The following MARCHF8 variants were observed in gnomAD, a reference collection of about 807,000 sequenced individuals.
MARCHF8 encodes E3 ubiquitin-protein ligase MARCHF8.
A neutral mutation model predicts 51.6 loss-of-function variants in MARCHF8; 40 were observed. The observed-to-expected ratio is 0.77, with a 90% confidence interval of 0.60 to 1.01. The LOEUF (loss-of-function observed/expected upper bound fraction) is 1.01, where lower values mean the gene tolerates loss of function less well. Ranked by LOEUF, MARCHF8 falls within the 50% of genes least tolerant of loss-of-function variation. MARCHF8 has a pLI of 0.00. For synonymous variants in MARCHF8, 263 were observed against 280.3 expected, an observed-to-expected ratio of 0.94 and a Z score of 0.62; for missense variants, 685 against 708.6, an observed-to-expected ratio of 0.97 and a Z score of 0.38.
intron 2 of MARCHF8, among the ~76,000 whole-genome samples, chr10:45,494,330 C>T (rs1456506944): frequency 3.9e-5 from 6 of 152,092 alleles, no homozygotes; most frequent in South Asian, 4.1e-4. Flanking sequence ...AAGAAGACAA[C>T]GAGGTGAGAT....
At chr10:45,588,520 T>G (rs1193704038) in intron 1 of MARCHF8, among the ~76,000 whole-genome samples, 1 of 152,236 alleles carries the variant, frequency 6.6e-6, no homozygotes, top group Non-Finnish European at 1.5e-5. Context: ...TATATTGTCT[T>G]AAAATTGCCT....
intron 2 of MARCHF8, among the ~76,000 whole-genome samples, chr10:45,506,940 G>C (rs2043397039): frequency 6.6e-6 from 1 of 152,170 alleles, no homozygotes; most frequent in Non-Finnish European, 1.5e-5. Flanking sequence ...GCTACAAAGA[G>C]GCTATGTCTT....
intron 1 of MARCHF8, among the ~76,000 whole-genome samples, chr10:45,546,750 C>G (rs1421739176): frequency 6.6e-6 from 1 of 151,202 alleles, no homozygotes; most frequent in Non-Finnish European, 1.5e-5. Context: ...CCACTACACT[C>G]CAGCCTGGGT....
At chr10:45,488,667 T>A (rs2043028542) in intron 3 of MARCHF8, among the ~76,000 whole-genome samples, 1 of 152,186 alleles carries the variant, frequency 6.6e-6, no homozygotes, top group African/African-American at 2.4e-5. Flanking sequence ...CTGCAACATC[T>A]AGAACCTTTT....
At chr10:45,567,121 T>C (rs2044373602) in intron 1 of MARCHF8, among the ~76,000 whole-genome samples, 1 of 152,236 alleles carries the variant, frequency 6.6e-6, no homozygotes, top group South Asian at 2.1e-4. Context: ...TTAATTGGAT[T>C]ATTACATTAT....
chr10:45,493,521 C>T (rs769211824), intron 2 of MARCHF8, among the ~76,000 whole-genome samples: 2 of 152,206 alleles, frequency 1.3e-5, no homozygotes, highest in Non-Finnish European at 2.9e-5. Context: ...GAGAGCTCCT[C>T]AGAACACAGC....
intron 5 of MARCHF8, chr10:45,461,721 T>C (rs1415566282): frequency 9.5e-6 from 2 of 210,782 alleles, no homozygotes; most frequent in African/African-American, 2.3e-5. Flanking sequence ...TAAAGCAACA[T>C]GGAATCATTT....
chr10:45,499,558 T>C (rs149604913), intron 2 of MARCHF8, among the ~76,000 whole-genome samples: 2,059 of 152,344 alleles, frequency 0.014, 16 homozygotes, highest in Non-Finnish European at 0.019. Context: ...TTAAGAATTT[T>C]ATAGTTTTAA....
At chr10:45,518,049 C>T (rs1018838582) in intron 2 of MARCHF8, among the ~76,000 whole-genome samples, 1 of 152,200 alleles carries the variant, frequency 6.6e-6, no homozygotes, top group African/African-American at 2.4e-5. Context: ...GTACTTCTCT[C>T]AGAGACTAGG....
chr10:45,486,496 G>A (rs979413902), intron 3 of MARCHF8, among the ~76,000 whole-genome samples: 18 of 152,194 alleles, frequency 1.2e-4, no homozygotes, highest in East Asian at 7.7e-4. Flanking sequence ...TCCAGGAGGC[G>A]GAGGTTGCAG....
intron 3 of MARCHF8, among the ~76,000 whole-genome samples, chr10:45,480,704 C>A (rs2042870429): frequency 6.6e-6 from 1 of 152,146 alleles, no homozygotes; most frequent in Non-Finnish European, 1.5e-5. Context: ...GAACCTCTGC[C>A]TAGATTTCAG....
chr10:45,530,149 G>GT (rs1162264593), intron 2 of MARCHF8, among the ~76,000 whole-genome samples: 20 of 152,140 alleles, frequency 1.3e-4, no homozygotes, highest in African/African-American at 4.6e-4. Flanking sequence ...AGAACTGGAG[G>GT]TAACTATCTT....
intron 1 of MARCHF8, among the ~76,000 whole-genome samples, chr10:45,547,125 G>A (rs1982796): frequency 0.31 from 47,445 of 151,926 alleles, 7,606 homozygotes; most frequent in Admixed American, 0.36. Flanking sequence ...TAAAACAATA[G>A]TAAATAAGCA....
At position 45,454,905 on chromosome 10, in the gene MARCHF8, A is replaced by G. The variant is rs1238015488; in HGVS notation, c.*3334T>C. On this transcript the variant is annotated 3_prime_UTR_variant, in exon 8 of 8. Coordinates refer to ENST00000453424, the MANE Select transcript of MARCHF8 (RefSeq NM_001282866.2). ...TTCCAAGACAAAGATAAATGCTTTTATTTCCCTATGTTTTGGTCTTTCCTT... is the reference window on the plus strand; with the variant it reads ...TTCCAAGACAAAGATAAATGCTTTTGTTTCCCTATGTTTTGGTCTTTCCTT... 1.3e-5 allele frequency: 2 copies of G among 152,242 alleles called. No homozygotes were observed. The highest frequency in any genetic ancestry group is 6.5e-5 in the Admixed American group (1 of 15,284). 9.4% of individuals were successfully genotyped at this position (152,242 alleles called of 1,614,324 possible). A position where few individuals can be genotyped will look rare whatever the true frequency, so the allele number is the denominator to read the frequency against.
At chr10:45,517,085 G>T (rs1337172351) in intron 2 of MARCHF8, among the ~76,000 whole-genome samples, 1 of 152,198 alleles carries the variant, frequency 6.6e-6, no homozygotes, top group Admixed American at 6.5e-5. Flanking sequence ...CAACAGTGGT[G>T]AGTAGCACAA....
At chr10:45,486,804 C>CTTT (rs34757159) in intron 3 of MARCHF8, among the ~76,000 whole-genome samples, 33 of 94,568 alleles carry the variant, frequency 3.5e-4, no homozygotes, top group African/African-American at 7.9e-4. Flanking sequence ...TATTACCCTA[C>CTTT]TTTTTTTTTT....
rs1401259576 is a variant in MARCHF8 at position 45,489,356 on chromosome 10, T to G, written c.153+11A>C. ...CAAGGTAATAAATAACATTTTTCAG[T>G]GGCACTCTACCTTAGAAATGTTGCT... On this transcript the variant is annotated intron_variant, in intron 3 of 7. Coordinates refer to ENST00000453424, the MANE Select transcript of MARCHF8 (RefSeq NM_001282866.2). 6.2e-7 allele frequency: 1 copy of G among 1,606,700 alleles called. No homozygotes were observed. Among genetic ancestry groups the G allele is most frequent in the Non-Finnish European group, 8.5e-7 (1 of 1,174,216 alleles).
chr10:45,500,343 T>G (rs560357093), intron 2 of MARCHF8, among the ~76,000 whole-genome samples: 113 of 152,244 alleles, frequency 7.4e-4, no homozygotes, highest in African/African-American at 2.4e-3. Flanking sequence ...CATGGAAACT[T>G]TAGGGTTTTC....
At chr10:45,549,763 C>G (rs1239840948) in intron 1 of MARCHF8, among the ~76,000 whole-genome samples, 1 of 152,164 alleles carries the variant, frequency 6.6e-6, no homozygotes, top group African/African-American at 2.4e-5. Context: ...GAGTGGGTTC[C>G]TAACAGAAGA....
Sources: allele counts gnomAD v4.1 joint callset (sites outside exome capture counted in the v4.1 genomes callset), GRCh38; gene constraint gnomAD v4.1.1; transcripts MANE v1.5; gene names NCBI Gene and HGNC (gene_info 2026-07-23, HGNC 2026-07-21).